FAM186A: variants seen among roughly 807,000 people sequenced by gnomAD.
The protein encoded by FAM186A is protein FAM186A.
A neutral mutation model predicts 216.8 loss-of-function variants in FAM186A; 163 were observed. The ratio of observed to expected loss-of-function variants is 0.75; its 90% CI spans 0.66 to 0.86. The LOEUF is 0.86. Among genes scored for constraint, FAM186A ranks in the 40% least tolerant of loss-of-function variants. The pLI is 0.00. For synonymous variants in FAM186A, 805 were observed against 1,025.3 expected (o/e 0.79, Z 4.10); for missense variants, 2,184 against 2,746.2 (o/e 0.80, Z 4.58).
At position 50,353,539 on chromosome 12, in the gene FAM186A, G is replaced by C; in HGVS notation, c.3293C>G (p.Thr1098Arg). Residue 1098 changes from threonine (T) to arginine (R), a missense_variant, in exon 4 of 8, where the codon ACG becomes AGG. Around this residue, in one of 7 missense-constraint regions of FAM186A, gnomAD observed 1,132 missense variants for 1,263.4 expected, o/e 0.90. Coordinates refer to ENST00000327337, the MANE Select transcript of FAM186A (RefSeq NM_001145475.3). ...TPQQAQAQGITLTLQQAQELG... is the reference protein window; with the variant it reads ...TPQQAQAQGIRLTLQQAQELG... ...TTCCTGGGCCTGCTGAAGGGTGAGC[G>C]TGATCCCCTGAGCCTGGGCCTGCTG... The C allele has an allele frequency of 6.5e-7, 1 of 1,535,404 alleles. No individual in the cohort carries two copies. The highest frequency in any genetic ancestry group is 8.8e-7 in the Non-Finnish European group (1 of 1,139,368).
At position 50,330,824 on chromosome 12, in the gene FAM186A, C is replaced by A. The variant is rs1942650112; in HGVS notation, c.6849-66G>T. 5.2e-6 allele frequency: 7 copies of A among 1,356,188 alleles called. No individual in the cohort carries two copies. In the South Asian group the frequency reaches 1.0e-4, roughly 19 times the overall value. The allele number at this position is 1,356,188 out of a possible 1,614,324, so 84.0% of individuals were successfully genotyped here. On this transcript the variant is annotated intron_variant, in intron 6 of 7. Coordinates refer to ENST00000327337, the MANE Select transcript of FAM186A (RefSeq NM_001145475.3). ...AGCTCCATAGCCCATCAAAATATATCTTATTCTCCCCTCTTCACTGCCACC... is the reference window on the plus strand; with the variant it reads ...AGCTCCATAGCCCATCAAAATATATATTATTCTCCCCTCTTCACTGCCACC...
chr12:50,363,760 TA>T (rs751989324), intron 1 of FAM186A, among the ~76,000 whole-genome samples: 16 of 26,750 alleles, frequency 6.0e-4, no homozygotes, highest in Admixed American at 3.6e-3. Flanking sequence ...CTGTAGCTGC[TA>T]AAAAAAAAAA....
chr12:50,365,653 TGAAG>T (rs1943080273), intron 1 of FAM186A: 3 of 83,192 alleles, frequency 3.6e-5, no homozygotes, highest in Non-Finnish European at 7.2e-5. Flanking sequence ...GTGGCCAAAA[TGAAG>T]TTCAGTCCCT....
chr12:50,381,079 T>C (rs1387786505), intron 1 of FAM186A, among the ~76,000 whole-genome samples: 1 of 152,166 alleles, frequency 6.6e-6, no homozygotes, highest in East Asian at 1.9e-4. Context: ...ACCCAGAAGC[T>C]TGGAGACACC....
chr12:50,385,969 G>A lies in FAM186A; in HGVS notation c.192+10324C>T, dbSNP rs978173990. 4.6e-4 allele frequency among the ~76,000 whole-genome samples: 70 copies of A among 151,982 alleles called. 1 individual carries two copies. The highest frequency in any genetic ancestry group is 2.1e-4 in the South Asian group (1 of 4,818). ...AGAACAGTGGTTAGCAGAGGCTGGG[G>A]ATGGGCAGATTGTGGAGATGTTAGT... On this transcript the variant is annotated intron_variant, in intron 1 of 7. Transcript: ENST00000327337.
chr12:50,335,913 C>A (rs1414420568), intron 4 of FAM186A, among the ~76,000 whole-genome samples: 1 of 152,092 alleles, frequency 6.6e-6, no homozygotes, highest in East Asian at 1.9e-4. Context: ...ATCACGAGGT[C>A]AGGGGCTCCA....
intron 1 of FAM186A, among the ~76,000 whole-genome samples, chr12:50,374,827 A>G (rs989663587): frequency 3.9e-5 from 6 of 152,232 alleles, no homozygotes; most frequent in African/African-American, 1.4e-4. Context: ...GGAAAGAGAG[A>G]AGCAACATGG....
chr12:50,378,998 A>G (rs1317436322), intron 1 of FAM186A, among the ~76,000 whole-genome samples: 1 of 152,184 alleles, frequency 6.6e-6, no homozygotes, highest in Non-Finnish European at 1.5e-5. Context: ...TAACTGCACA[A>G]TGGATTATTT....
intron 2 of FAM186A, among the ~76,000 whole-genome samples, chr12:50,362,767 G>A (rs1249547003): frequency 8.4e-6 from 1 of 119,562 alleles, no homozygotes. Context: ...AAAAAAAAAA[G>A]GGTAAAGTGT....
Position 50,330,945 on chromosome 12 carries a change from A to C in FAM186A, c.6849-187T>G, listed in dbSNP as rs552788180. 3.3e-5 allele frequency among the ~76,000 whole-genome samples: 5 copies of C among 152,310 alleles called. No individual in the cohort carries two copies. The South Asian group carries it at 1.0e-3, about 32-fold the overall frequency. ...AAAAGCAGAATTCGCTGAGTTACCA[A>C]AGCTGCATTTGCATGGCTTCACCTA... On this transcript the variant is annotated intron_variant, in intron 6 of 7. Transcript: ENST00000327337.
intron 1 of FAM186A, among the ~76,000 whole-genome samples, chr12:50,377,415 G>A (rs547972072): frequency 1.3e-5 from 2 of 152,276 alleles, no homozygotes; most frequent in East Asian, 3.9e-4. Context: ...TTAGTCAAAT[G>A]AATCTATGAG....
At chr12:50,374,534 AAAG>A (rs1433057566) in intron 1 of FAM186A, among the ~76,000 whole-genome samples, 1 of 152,222 alleles carries the variant, frequency 6.6e-6, no homozygotes, top group Non-Finnish European at 1.5e-5. Context: ...TCAACGGATT[AAAG>A]AAGAACCATT....
intron 4 of FAM186A, among the ~76,000 whole-genome samples, chr12:50,340,971 A>G (rs948344977): frequency 6.6e-6 from 1 of 151,856 alleles, no homozygotes; most frequent in Non-Finnish European, 1.5e-5. Flanking sequence ...TAATTTTTGT[A>G]TTTTTGGTAG....
chr12:50,351,666 G>T lies in FAM186A; in HGVS notation c.5166C>A (p.Leu1722=), dbSNP rs1312462595. 24 of 1,551,498 alleles carry T rather than the reference G, an allele frequency of 1.5e-5. No homozygotes were observed. The highest frequency in any genetic ancestry group is 2.1e-5 in the Non-Finnish European group (24 of 1,146,936). The stretch of plus-strand genomic sequence containing the variant: ...TTGATATGATGGATTGCCCAGTGGG[G>T]AGAGAAGCCTTCGATTTCTGAAATG... ...HRPFQKSKAS[L]PTGQSIISRL... The change falls in exon 4 of 8, where the codon CTC becomes CTA. Residue 1722 remains leucine, a synonymous_variant. Coordinates refer to ENST00000327337, the MANE Select transcript of FAM186A (RefSeq NM_001145475.3).
At chr12:50,346,771 C>T (rs530326722) in intron 4 of FAM186A, among the ~76,000 whole-genome samples, 6 of 152,022 alleles carry the variant, frequency 3.9e-5, no homozygotes. Flanking sequence ...GGCGTGAATG[C>T]GGGAGGCAGA....
intron 1 of FAM186A, chr12:50,365,873 C>A: frequency 2.6e-6 from 2 of 762,786 alleles, no homozygotes. Flanking sequence ...TCCAGGTTTA[C>A]AGGAAGAAAT....
At chr12:50,344,196 G>T (rs1372056414) in intron 4 of FAM186A, among the ~76,000 whole-genome samples, 3 of 151,750 alleles carry the variant, frequency 2.0e-5, no homozygotes, top group Non-Finnish European at 4.4e-5. Flanking sequence ...TGAGATTTGG[G>T]GTACAAATGA....
At chr12:50,333,540 A>G (rs1942677550) in intron 5 of FAM186A, among the ~76,000 whole-genome samples, 1 of 151,964 alleles carries the variant, frequency 6.6e-6, no homozygotes, top group Non-Finnish European at 1.5e-5. Context: ...AAAACGAAAA[A>G]CAAAGCAAAA....
At chr12:50,361,195 GTGTTTTGTTT>G (rs777225489) in intron 2 of FAM186A, among the ~76,000 whole-genome samples, 1 of 151,970 alleles carries the variant, frequency 6.6e-6, no homozygotes, top group African/African-American at 2.4e-5. Flanking sequence ...GTGTGTGTGT[GTGTTTTGTTT>G]TGTTTTGTTT....
Sources: allele counts gnomAD v4.1 joint callset (sites outside exome capture counted in the v4.1 genomes callset), GRCh38; gene constraint gnomAD v4.1.1; regional missense constraint gnomAD v4.1.1; transcripts MANE v1.5; gene names NCBI Gene and HGNC (gene_info 2026-07-23, HGNC 2026-07-21).